Variants in ADRA1A observed in about 807,000 individuals in gnomAD.
ADRA1A encodes the protein alpha-1A adrenergic receptor.
In ADRA1A, 31 loss-of-function variants were observed where a neutral mutation model predicts 29.6. The ratio of observed to expected loss-of-function variants is 1.05; its 90% CI spans 0.79 to 1.41. ADRA1A has a LOEUF of 1.41. Among genes scored for constraint, ADRA1A ranks in the 40% most tolerant of loss-of-function variants. The probability of loss-of-function intolerance (pLI) is 0.00; values close to 1 mark genes in which losing one functional copy is unlikely to be tolerated. For missense variants in ADRA1A, 619 were observed against 601.1 expected, an observed-to-expected ratio of 1.03 and a Z score of -0.31; for synonymous variants, 311 against 254.3, an observed-to-expected ratio of 1.22 and a Z score of -2.12.
In ADRA1A at chr8:26,769,971, C is replaced by G. The variant is rs1361398690; in HGVS notation, c.*178G>C. On this transcript the variant is annotated 3_prime_UTR_variant, in exon 3 of 3. Coordinates refer to ENST00000380573, the MANE Select transcript of ADRA1A (RefSeq NM_000680.4). ...CTGAACTGGTTGGTTGTGAGACACC[C>G]TCCCTCTTCCCTGTGCCCTACCCGC... 2 of 1,402,406 alleles carry G rather than the reference C, an allele frequency of 1.4e-6. No individual in the cohort carries two copies. The highest frequency in any genetic ancestry group is 4.0e-5 in the South Asian group (2 of 49,556). 86.9% of individuals were successfully genotyped at this position (1,402,406 alleles called of 1,614,324 possible).
intron 2 of ADRA1A, among the ~76,000 whole-genome samples, 171 bp from the exon 3 acceptor site, chr8:26,770,837 G>A (rs1806092639): frequency 6.6e-6 from 1 of 152,120 alleles, no homozygotes. Context: ...TCACCCTTTT[G>A]CAATATCTTC....
downstream of ADRA1A, chr8:26,766,057 T>G: frequency 1.2e-6 from 2 of 1,613,766 alleles, no homozygotes; most frequent in Non-Finnish European, 1.7e-6. Context: ...GAGATCAGCA[T>G]TCTGAACCCT....
At position 26,805,313 on chromosome 8, in the gene ADRA1A, A is replaced by G. The variant is rs1214846627; in HGVS notation, c.884-34647T>C. 1.3e-5 allele frequency among the ~76,000 whole-genome samples: 2 copies of G among 152,182 alleles called. No homozygotes were observed. The highest frequency in any genetic ancestry group is 4.8e-5 in the African/African-American group (2 of 41,440). ...TCTTACATTTTGAGTGTTATGAGCT[A>G]GACAGTAAGTTAACATTGAATTAAT... On this transcript the variant is annotated intron_variant, in intron 2 of 2. Coordinates refer to ENST00000380573, the MANE Select transcript of ADRA1A (RefSeq NM_000680.4). This position sits in a 1 kb window ranked among gnomAD's most constrained non-coding sequence, Gnocchi z 4.8.
Position 26,770,347 on chromosome 8 carries a change from A to C in ADRA1A, c.1203T>G (p.Ser401=), listed in dbSNP as rs142415576. 1.5e-4 allele frequency: 238 copies of C among 1,614,220 alleles called. No individual in the cohort carries two copies. In the African/African-American group the frequency reaches 2.6e-3, roughly 18 times the overall value. ...TCCTGGCAGATCCACGGGGCATGGA[A>C]GAGAAAAATTTCCATTCACAAACGC... is the stretch of plus-strand genomic sequence containing the variant. ...TDGVCEWKFF[S]SMPRGSARIT... The change falls in exon 3 of 3, where the codon TCT becomes TCG. Residue 401 remains serine, a synonymous_variant. Transcript: ENST00000380573.
At chr8:26,782,055 G>T (rs1360756327) in intron 2 of ADRA1A, among the ~76,000 whole-genome samples, 1 of 152,232 alleles carries the variant, frequency 6.6e-6, no homozygotes, top group Admixed American at 6.5e-5. Context: ...CTCACCCAGA[G>T]GCATGGCCCT....
intron 2 of ADRA1A, among the ~76,000 whole-genome samples, chr8:26,782,896 T>C (rs1277027550): frequency 6.6e-6 from 1 of 152,144 alleles, no homozygotes; most frequent in Non-Finnish European, 1.5e-5. Context: ...TTCCTCTCAC[T>C]TGTCCAAGCC....
At chr8:26,844,975 T>C (rs1403411944) in intron 2 of ADRA1A, among the ~76,000 whole-genome samples, 1 of 151,962 alleles carries the variant, frequency 6.6e-6, no homozygotes, top group East Asian at 1.9e-4. Flanking sequence ...TTATGAATTT[T>C]TATTGGGCTG....
intron 2 of ADRA1A, among the ~76,000 whole-genome samples, chr8:26,800,118 G>A (rs1438346152): frequency 6.6e-6 from 1 of 152,130 alleles, no homozygotes; most frequent in Non-Finnish European, 1.5e-5. Context: ...ACTTAGCCAG[G>A]CATGTTGGCG....
intron 2 of ADRA1A, among the ~76,000 whole-genome samples, chr8:26,847,278 A>G (rs569803106): frequency 6.6e-6 from 1 of 152,206 alleles, no homozygotes; most frequent in South Asian, 2.1e-4. Flanking sequence ...AACAAAAACA[A>G]ACAAAAAGAA....
intron 2 of ADRA1A, chr8:26,854,400 A>G (rs1812847146): frequency 8.5e-6 from 1 of 117,042 alleles, no homozygotes; most frequent in South Asian, 3.3e-4. Context: ...TGGAACAAAA[A>G]AATGCCTGAA....
chr8:26,813,496 C>T, intron 2 of ADRA1A, among the ~76,000 whole-genome samples: 1 of 148,062 alleles, frequency 6.8e-6, no homozygotes, highest in South Asian at 2.1e-4. Context: ...ATCTATCCAT[C>T]CATCCATCCA....
intron 2 of ADRA1A, among the ~76,000 whole-genome samples, chr8:26,812,734 G>A (rs1028226183): frequency 3.2e-4 from 49 of 151,320 alleles, no homozygotes; most frequent in Non-Finnish European, 5.3e-4. Flanking sequence ...GCGCGGTCTC[G>A]GCTCACTGCA....
intron 2 of ADRA1A, among the ~76,000 whole-genome samples, chr8:26,759,555 TCTC>T (rs893216971): frequency 1.3e-5 from 2 of 152,158 alleles, no homozygotes; most frequent in African/African-American, 4.8e-5. Flanking sequence ...TTCATCAAGG[TCTC>T]CTCCTTCTCT....
In ADRA1A at chr8:26,806,782, G is replaced by C. The variant is rs563001295; in HGVS notation, c.884-36116C>G. 6.6e-6 allele frequency among the ~76,000 whole-genome samples: 1 copy of C among 152,288 alleles called. No individual in the cohort carries two copies. The highest frequency in any genetic ancestry group is 2.1e-4 in the South Asian group (1 of 4,824). ...AGAGCACGTGCAGTGGCTGCTGCTA[G>C]AAGTGGCCTCATGGAACATCCTAGA... On this transcript the variant is annotated intron_variant, in intron 2 of 2. Transcript: ENST00000380573. This position sits in a 1 kb window ranked among gnomAD's most constrained non-coding sequence, Gnocchi z 4.6.
At chr8:26,819,607 C>T (rs1471970706) in intron 2 of ADRA1A, among the ~76,000 whole-genome samples, 1 of 151,538 alleles carries the variant, frequency 6.6e-6, no homozygotes, top group East Asian at 1.9e-4. Context: ...AATCACAAAG[C>T]AAAAACCTTT....
intron 2 of ADRA1A, among the ~76,000 whole-genome samples, chr8:26,750,705 C>T (rs563425216): frequency 1.3e-5 from 2 of 152,200 alleles, no homozygotes; most frequent in African/African-American, 4.8e-5. Context: ...GTATAGGAAA[C>T]CCTGAGACAG....
chr8:26,749,440 G>A (rs1804829229), intron 2 of ADRA1A, among the ~76,000 whole-genome samples: 1 of 151,818 alleles, frequency 6.6e-6, no homozygotes, highest in Non-Finnish European at 1.5e-5. Context: ...GCTTCATAGA[G>A]TAAGCCTTAT....
intron 2 of ADRA1A, among the ~76,000 whole-genome samples, chr8:26,857,911 T>C (rs1233177156): frequency 6.6e-6 from 1 of 152,212 alleles, no homozygotes; most frequent in Non-Finnish European, 1.5e-5. Flanking sequence ...ATTGTTCAGA[T>C]GTTCTGCTCC....
At chr8:26,834,260 C>T (rs1335531601) in intron 2 of ADRA1A, among the ~76,000 whole-genome samples, 4 of 152,094 alleles carry the variant, frequency 2.6e-5, no homozygotes, top group East Asian at 3.8e-4. Context: ...ATTCTGGGAT[C>T]GAAGTCTTTA....
Sources: gnomAD v4.1 joint callset for allele counts (sites outside exome capture counted in the v4.1 genomes callset) on GRCh38, gnomAD v4.1.1 for gene constraint, Gnocchi (gnomAD v3.1) non-coding constraint, MANE v1.5 for transcripts, NCBI Gene and HGNC (gene_info 2026-07-23, HGNC 2026-07-21) for gene names.